The following MACROD2 variants were observed in gnomAD, a reference collection of about 807,000 sequenced individuals.
MACROD2 encodes the protein ADP-ribose glycohydrolase MACROD2.
MACROD2 carries 36 observed loss-of-function variants against 70.4 expected under a neutral mutation model. That is an observed-to-expected ratio of 0.51 (90% CI 0.39 to 0.68). The LOEUF is 0.68. Among genes scored for constraint, MACROD2 ranks in the 30% least tolerant of loss-of-function variants. The pLI is 0.00. For missense variants in MACROD2, 496 were observed against 538.4 expected (o/e 0.92, Z 0.78); for synonymous variants, 172 against 178.8 (o/e 0.96, Z 0.30).
intron 10 of MACROD2, among the ~76,000 whole-genome samples, chr20:15,921,644 A>G (rs1330906897): frequency 6.6e-6 from 1 of 152,154 alleles, no homozygotes; most frequent in African/African-American, 2.4e-5. Context: ...TACAACCTAC[A>G]TTTCCCTTCG....
At chr20:14,567,806 A>G (rs932025812) in intron 4 of MACROD2, among the ~76,000 whole-genome samples, 3 of 152,100 alleles carry the variant, frequency 2.0e-5, no homozygotes, top group African/African-American at 7.2e-5. Flanking sequence ...TTATATCTGT[A>G]TAACAAATAT....
At chr20:15,238,016 G>T (rs2077029312) in intron 6 of MACROD2, among the ~76,000 whole-genome samples, 1 of 152,188 alleles carries the variant, frequency 6.6e-6, no homozygotes, top group Admixed American at 6.5e-5. Flanking sequence ...TTTCATGTGT[G>T]CAGATGAGTG....
At chr20:15,938,948 A>G (rs148362955) in intron 12 of MACROD2, among the ~76,000 whole-genome samples, 257 of 152,352 alleles carry the variant, frequency 1.7e-3, no homozygotes, top group African/African-American at 5.7e-3. Context: ...AACCAGCCAT[A>G]ACATTCCCTT....
intron 3 of MACROD2, among the ~76,000 whole-genome samples, chr20:14,402,864 C>G (rs2083652725): frequency 6.6e-6 from 1 of 152,034 alleles, no homozygotes; most frequent in Non-Finnish European, 1.5e-5. Flanking sequence ...AACATTGGGG[C>G]TGTGTTTTCT....
chr20:16,027,483 A>G (rs934994647), intron 15 of MACROD2, among the ~76,000 whole-genome samples: 5 of 152,248 alleles, frequency 3.3e-5, no homozygotes, highest in East Asian at 1.9e-4. Context: ...AGCTAGATAC[A>G]TAATCATGCA....
At chr20:15,161,573 C>A (rs992234000) in intron 5 of MACROD2, among the ~76,000 whole-genome samples, 1 of 151,806 alleles carries the variant, frequency 6.6e-6, no homozygotes, top group African/African-American at 2.4e-5. Context: ...CTGTAATAAG[C>A]ATATGGCTTA....
chr20:15,828,476 A>G (rs1485976666), intron 8 of MACROD2, among the ~76,000 whole-genome samples: 2 of 152,216 alleles, frequency 1.3e-5, no homozygotes, highest in East Asian at 3.8e-4. Flanking sequence ...GTACAAGGTA[A>G]CAAATATACT....
At chr20:14,912,143 G>C (rs886683462) in intron 5 of MACROD2, among the ~76,000 whole-genome samples, 2 of 152,126 alleles carry the variant, frequency 1.3e-5, no homozygotes, top group Non-Finnish European at 2.9e-5. Flanking sequence ...GGGATCTGAT[G>C]ATTACTCTTC....
intron 5 of MACROD2, among the ~76,000 whole-genome samples, chr20:14,685,957 G>C (rs534990437): frequency 1.1e-4 from 17 of 152,274 alleles, no homozygotes; most frequent in Middle Eastern, 3.4e-3. Flanking sequence ...AGAATAGCGT[G>C]TTATATTTTA....
chr20:14,003,011 A>G (rs2052755278), intron 2 of MACROD2, among the ~76,000 whole-genome samples: 1 of 152,238 alleles, frequency 6.6e-6, no homozygotes, highest in Non-Finnish European at 1.5e-5. Flanking sequence ...TCTAAAAACA[A>G]CATAATAGAT....
chr20:15,195,201 A>T (rs2076597450), intron 5 of MACROD2, among the ~76,000 whole-genome samples: 1 of 152,228 alleles, frequency 6.6e-6, no homozygotes, highest in Non-Finnish European at 1.5e-5. Context: ...AAAACACCAG[A>T]AGCAATTTCA....
At chr20:15,251,708 A>G (rs1051991947) in intron 6 of MACROD2, among the ~76,000 whole-genome samples, 1 of 152,166 alleles carries the variant, frequency 6.6e-6, no homozygotes, top group Admixed American at 6.5e-5. Flanking sequence ...TGACTAGCTG[A>G]AAAGAAAAAC....
At chr20:15,008,784 A>G (rs1394631380) in intron 5 of MACROD2, among the ~76,000 whole-genome samples, 1 of 152,142 alleles carries the variant, frequency 6.6e-6, no homozygotes, top group Non-Finnish European at 1.5e-5. Flanking sequence ...CTTAAAATAA[A>G]CTATGTTTAT....
At chr20:14,783,530 A>G (rs2072327504) in intron 5 of MACROD2, among the ~76,000 whole-genome samples, 1 of 152,090 alleles carries the variant, frequency 6.6e-6, no homozygotes, top group Non-Finnish European at 1.5e-5. Context: ...CATGGTGATA[A>G]TAGTACGTAC....
chr20:14,353,753 G>T (rs2083146341), intron 3 of MACROD2, among the ~76,000 whole-genome samples: 1 of 152,020 alleles, frequency 6.6e-6, no homozygotes, highest in South Asian at 2.1e-4. Context: ...GAAGGGCAAA[G>T]AAACTTTCTT....
At chr20:14,920,676 A>G (rs11906455) in intron 5 of MACROD2, among the ~76,000 whole-genome samples, 3,270 of 152,290 alleles carry the variant, frequency 0.021, 83 homozygotes, top group African/African-American at 0.073. Context: ...GCATGTTATC[A>G]TAGCTATGTG....
intron 5 of MACROD2, among the ~76,000 whole-genome samples, chr20:15,176,846 C>A (rs1020739882): frequency 6.6e-6 from 1 of 152,200 alleles, no homozygotes; most frequent in Non-Finnish European, 1.5e-5. Context: ...CCTAGGGAAT[C>A]CCCTAGCCAG....
chr20:14,562,467 A>G (rs1979499863), intron 4 of MACROD2, among the ~76,000 whole-genome samples: 1 of 151,920 alleles, frequency 6.6e-6, no homozygotes, highest in Admixed American at 6.6e-5. Context: ...CAAAAAGAGT[A>G]TAGATATAAT....
At chr20:14,199,486 A>G (rs1278351837) in intron 3 of MACROD2, among the ~76,000 whole-genome samples, 1 of 152,224 alleles carries the variant, frequency 6.6e-6, no homozygotes, top group Non-Finnish European at 1.5e-5. Context: ...GACAGAGAAG[A>G]TAGCTTGCAT....
Sources: allele counts gnomAD v4.1 joint callset (sites outside exome capture counted in the v4.1 genomes callset), GRCh38; gene constraint gnomAD v4.1.1; transcripts MANE v1.5; gene names NCBI Gene and HGNC (gene_info 2026-07-23, HGNC 2026-07-21).